Variants in MRPL1 observed in about 807,000 individuals in gnomAD.
The protein encoded by MRPL1 is large ribosomal subunit protein uL1m.
MRPL1 carries 28 observed loss-of-function variants against 38.0 expected under a neutral mutation model. The ratio of observed to expected loss-of-function variants is 0.74; its 90% CI spans 0.55 to 1.01. The LOEUF is 1.01. MRPL1 is among the 50% of genes least tolerant of loss of function. MRPL1 has a pLI of 0.00. For synonymous variants in MRPL1, 123 were observed against 126.7 expected, an observed-to-expected ratio of 0.97 and a Z score of 0.20; for missense variants, 358 against 389.8, an observed-to-expected ratio of 0.92 and a Z score of 0.69.
At chr4:77,882,701 A>G (rs1312649417) in intron 2 of MRPL1, among the ~76,000 whole-genome samples, 1 of 152,182 alleles carries the variant, frequency 6.6e-6, no homozygotes, top group African/African-American at 2.4e-5. Flanking sequence ...CATTATATGG[A>G]CATACCACAT....
intron 2 of MRPL1, among the ~76,000 whole-genome samples, chr4:77,879,341 T>C (rs1735474595): frequency 6.6e-6 from 1 of 152,196 alleles, no homozygotes; most frequent in African/African-American, 2.4e-5. Context: ...ATCAGTATTA[T>C]AATGTTGTTA....
At chr4:77,938,900 G>A (rs1366459395) in intron 7 of MRPL1, among the ~76,000 whole-genome samples, 1 of 152,154 alleles carries the variant, frequency 6.6e-6, no homozygotes, top group East Asian at 1.9e-4. Context: ...GCTACCTCAT[G>A]GTCCCCTGAT....
intron 7 of MRPL1, among the ~76,000 whole-genome samples, chr4:77,929,261 T>TAAATAA (rs1236489186): frequency 2.0e-5 from 3 of 146,896 alleles, no homozygotes; most frequent in Non-Finnish European, 4.5e-5. Context: ...CCCACATCTC[T>TAAATAA]AAATAAAAAT....
intron 6 of MRPL1, among the ~76,000 whole-genome samples, chr4:77,905,944 G>C (rs1736148031): frequency 6.6e-6 from 1 of 152,178 alleles, no homozygotes; most frequent in Non-Finnish European, 1.5e-5. Flanking sequence ...CCTGCATCTA[G>C]GTAGAGATAT....
chr4:77,902,033 T>C (rs761969339), intron 6 of MRPL1, among the ~76,000 whole-genome samples: 1 of 152,158 alleles, frequency 6.6e-6, no homozygotes, highest in Admixed American at 6.5e-5. Flanking sequence ...CTGAGTTAAA[T>C]TAGAAATCAG....
intron 6 of MRPL1, among the ~76,000 whole-genome samples, chr4:77,898,709 G>T (rs1289364280): frequency 6.6e-6 from 1 of 151,984 alleles, no homozygotes; most frequent in Non-Finnish European, 1.5e-5. Context: ...GGCCAGGCTG[G>T]TCTCAAACTC....
intron 2 of MRPL1, among the ~76,000 whole-genome samples, chr4:77,873,673 G>A (rs1008444442): frequency 3.3e-5 from 5 of 152,200 alleles, no homozygotes; most frequent in Admixed American, 6.5e-5. Context: ...TGTGCAAAAT[G>A]ATGATATGAA....
At position 77,862,848 on chromosome 4, in the gene MRPL1, C is replaced by G. The variant is rs373512295; in HGVS notation, c.-1C>G. On this transcript the variant is annotated 5_prime_UTR_variant, in exon 1 of 9. Transcript: ENST00000315567. ...CGTGAACGCAATCCGGAGTGCCCAA[C>G]ATGGCGGCGGCCGTAAGGTGCATGG... The G allele has an allele frequency of 6.2e-7, 1 of 1,614,160 alleles. No individual in the cohort carries two copies. Among genetic ancestry groups the G allele is most frequent in the Non-Finnish European group, 8.5e-7 (1 of 1,180,026 alleles).
At chr4:77,946,063 G>C (rs1026192979) in intron 7 of MRPL1, among the ~76,000 whole-genome samples, 2 of 152,060 alleles carry the variant, frequency 1.3e-5, no homozygotes, top group African/African-American at 4.8e-5. Context: ...AAGACTGAGG[G>C]TGCTGCAGGA....
chr4:77,907,411 A>G (rs1165912290), intron 6 of MRPL1, among the ~76,000 whole-genome samples: 2 of 152,008 alleles, frequency 1.3e-5, no homozygotes, highest in East Asian at 3.9e-4. Context: ...ATGGAGGACA[A>G]AGTGACATTA....
At chr4:77,883,620 C>A in intron 3 of MRPL1, 120 bp downstream of exon 3, 1 of 1,050,024 alleles carries the variant, frequency 9.5e-7, no homozygotes, top group Non-Finnish European at 1.3e-6. Flanking sequence ...CCGTGTTGCC[C>A]AGGCTGGAGT....
At chr4:77,887,392 A>C in intron 5 of MRPL1, 101 bp downstream of exon 5, 2 of 1,003,670 alleles carry the variant, frequency 2.0e-6, no homozygotes, top group Non-Finnish European at 3.0e-6. Context: ...ATATCTTATG[A>C]TAAATAGTTA....
At chr4:77,928,426 A>G (rs768188122) in intron 7 of MRPL1, among the ~76,000 whole-genome samples, 3 of 152,226 alleles carry the variant, frequency 2.0e-5, no homozygotes, top group Non-Finnish European at 2.9e-5. Flanking sequence ...GAAGCAGCCC[A>G]TTGGTTCATG....
intron 7 of MRPL1, among the ~76,000 whole-genome samples, chr4:77,921,972 C>A (rs1736590609): frequency 6.6e-6 from 1 of 151,978 alleles, no homozygotes; most frequent in Non-Finnish European, 1.5e-5. Context: ...TACTATATGC[C>A]AGGCGTTACT....
rs1381613383 is a variant in MRPL1, at chr4:77,876,121, C to T, written c.143+4266C>T. On this transcript the variant is annotated intron_variant, in intron 2 of 8. Transcript: ENST00000315567. ...CCAAGTAGCTAGGATTACAGGCGTG[C>T]ACCACCACACCTTGCTAATTTTTGT... Among the ~76,000 whole-genome samples, 5 of 152,052 alleles carry T rather than the reference C, an allele frequency of 3.3e-5. No homozygotes were observed. In the South Asian group the frequency reaches 1.0e-3, roughly 32 times the overall value.
At chr4:77,914,557 C>G (rs1736373169) in intron 7 of MRPL1, among the ~76,000 whole-genome samples, 1 of 151,880 alleles carries the variant, frequency 6.6e-6, no homozygotes, top group Non-Finnish European at 1.5e-5. Flanking sequence ...AAAACTGTAC[C>G]ATTGTATTAT....
At chr4:77,917,919 G>T (rs549205144) in intron 7 of MRPL1, among the ~76,000 whole-genome samples, 2 of 152,190 alleles carry the variant, frequency 1.3e-5, no homozygotes, top group African/African-American at 4.8e-5. Context: ...AGCCAGGCAT[G>T]GTGGTGCATG....
Position 77,938,539 on chromosome 4 carries a change from T to C in MRPL1, c.778-11258T>C, listed in dbSNP as rs146183075. The stretch of plus-strand genomic sequence containing the variant: ...CAAATGGCAGCTTGCAGGCTGAATT[T>C]GGCCACTGGTCTTACTTTTTTGGGC... On this transcript the variant is annotated intron_variant, in intron 7 of 8. Transcript: ENST00000315567. Among the ~76,000 whole-genome samples, 350 of 152,342 alleles carry C rather than the reference T, an allele frequency of 2.3e-3. 1 individual carries two copies. Among genetic ancestry groups the C allele is most frequent in the Non-Finnish European group, 3.1e-3 (211 of 68,022 alleles).
chr4:77,931,515 A>G (rs1308697243), intron 7 of MRPL1, among the ~76,000 whole-genome samples: 4 of 152,228 alleles, frequency 2.6e-5, no homozygotes, highest in South Asian at 2.1e-4. Flanking sequence ...ATCCAGGTTG[A>G]CAATTCTACT....
Sources: gnomAD v4.1 joint callset for allele counts (sites outside exome capture counted in the v4.1 genomes callset) on GRCh38, gnomAD v4.1.1 for gene constraint, MANE v1.5 for transcripts, NCBI Gene and HGNC (gene_info 2026-07-23, HGNC 2026-07-21) for gene names.